CNOT1: variants seen among roughly 807,000 people sequenced by gnomAD.
The protein encoded by CNOT1 is CCR4-NOT transcription complex subunit 1, also known as CCR4-associated factor 1.
CNOT1 carries 15 observed loss-of-function variants against 273.8 expected under a neutral mutation model. That is an observed-to-expected ratio of 0.05 (90% CI 0.04 to 0.08). The LOEUF (loss-of-function observed/expected upper bound fraction) is 0.08. Ranked by LOEUF, CNOT1 falls within the 10% of genes least tolerant of loss-of-function variation. The pLI is 1.00. For missense variants in CNOT1, 1,644 were observed against 2,912.2 expected (o/e 0.56, Z 10.02); for synonymous variants, 1,022 against 1,005.5 (o/e 1.02, Z -0.31).
chr16:58,539,620 G>A (rs1231193153), intron 35 of CNOT1, 148 bp downstream of exon 35: 7 of 720,508 alleles, frequency 9.7e-6, no homozygotes, highest in South Asian at 5.7e-5. Flanking sequence ...TACATTCTAC[G>A]TTGGAAAAAA....
chr16:58,619,579 C>T (rs1257295280), intron 1 of CNOT1, among the ~76,000 whole-genome samples: 2 of 152,134 alleles, frequency 1.3e-5, no homozygotes, highest in Non-Finnish European at 2.9e-5. Context: ...CCGCCCGCCA[C>T]CACACCTGGC....
At chr16:58,539,002 T>A (rs1349905361) in intron 35 of CNOT1, 88 bp from the exon 36 acceptor site, 25 of 1,521,574 alleles carry the variant, frequency 1.6e-5, no homozygotes, top group Non-Finnish European at 2.2e-5. Flanking sequence ...CAATGCCAAG[T>A]ACCAAATACC....
At chr16:58,555,628 G>C in intron 20 of CNOT1, 91 bp from the exon 21 acceptor site, 2 of 1,542,214 alleles carry the variant, frequency 1.3e-6, no homozygotes. Flanking sequence ...CTATTAAGTA[G>C]AACATTTACC....
chr16:58,555,931 C>T lies in CNOT1; in HGVS notation c.2480-23G>A, dbSNP rs1037921269. 4 of 1,608,000 alleles carry T rather than the reference C, an allele frequency of 2.5e-6. No homozygotes were observed. The Admixed American group carries it at 6.7e-5, about 27-fold the overall frequency. On this transcript the variant is annotated intron_variant, in intron 19 of 48. Transcript: ENST00000317147. ...CCGCTGTTGGAAACAAAAAAGGAAT[C>T]AGTGGGCATTTAAGCCCTTCCTCCA... is the stretch of plus-strand genomic sequence containing the variant.
chr16:58,571,883 C>T lies in CNOT1; in HGVS notation c.1979+2726G>A, dbSNP rs117707588. 1.1e-3 allele frequency among the ~76,000 whole-genome samples: 167 copies of T among 152,198 alleles called. No homozygotes were observed. In the East Asian group the frequency reaches 0.021, roughly 19 times the overall value. ...ATCCCAGCTACTGAGGCACAAGAAT[C>T]GCTTAAACCTAGGAGGCGGAGGTTG... On this transcript the variant is annotated intron_variant, in intron 16 of 48. Transcript: ENST00000317147.
chr16:58,587,259 A>C lies in CNOT1; in HGVS notation c.379-4T>G. ...ACAGGGCAAGGCCAAAAATTACCTGAAACAAGAAGGATTAGATTAACCAAA... is the reference window on the plus strand; with the variant it reads ...ACAGGGCAAGGCCAAAAATTACCTGCAACAAGAAGGATTAGATTAACCAAA... On this transcript the variant is annotated splice_polypyrimidine_tract_variant and splice_region_variant and intron_variant, in intron 5 of 48. Transcript: ENST00000317147. 1.9e-6 allele frequency: 3 copies of C among 1,613,830 alleles called. No homozygotes were observed. Among genetic ancestry groups the C allele is most frequent in the Non-Finnish European group, 2.5e-6 (3 of 1,179,912 alleles).
intron 16 of CNOT1, 21 bp from the exon 17 acceptor site, chr16:58,560,383 T>C (rs1213211619): frequency 6.2e-7 from 1 of 1,608,530 alleles, no homozygotes; most frequent in East Asian, 2.2e-5. Context: ...GGGGAAAAGG[T>C]AAAAAATATC....
chr16:58,523,537 C>T, intron 46 of CNOT1, 35 bp from the exon 47 acceptor site: 3 of 1,608,708 alleles, frequency 1.9e-6, no homozygotes, highest in Non-Finnish European at 2.5e-6. Flanking sequence ...AGGACTTAGT[C>T]TGAAAGGCCA....
Position 58,611,916 on chromosome 16 carries a change from T to C in CNOT1, c.-174-12405A>G, listed in dbSNP as rs77322978. Among the ~76,000 whole-genome samples, 1,551 of 152,262 alleles carry C rather than the reference T, an allele frequency of 0.01. 103 individuals carry two copies. In the East Asian group the frequency reaches 0.2, roughly 19 times the overall value. ...AGGAATGCCCCTCACACCTACTTCT[T>C]TTTCTCCCCTTAACTCCTTCCAACT... On this transcript the variant is annotated intron_variant, in intron 1 of 48. Coordinates refer to ENST00000317147, the MANE Select transcript of CNOT1 (RefSeq NM_016284.5).
At chr16:58,548,759 A>T (rs1277731040) in intron 25 of CNOT1, 1 of 395,664 alleles carries the variant, frequency 2.5e-6, no homozygotes, top group African/African-American at 2.1e-5. Context: ...ATTTTGTTGA[A>T]TAAGCCTCAG....
At chr16:58,606,874 A>T (rs1468724938) in intron 1 of CNOT1, among the ~76,000 whole-genome samples, 1 of 152,178 alleles carries the variant, frequency 6.6e-6, no homozygotes, top group Admixed American at 6.5e-5. Flanking sequence ...ATTAATATCC[A>T]ATTAAAATAT....
chr16:58,523,861 A>C, intron 46 of CNOT1: 1 of 188,120 alleles, frequency 5.3e-6, no homozygotes, highest in Non-Finnish European at 1.1e-5. Flanking sequence ...TCTGTGTTCA[A>C]CTTGTTACAG....
intron 10 of CNOT1, among the ~76,000 whole-genome samples, chr16:58,581,755 T>C (rs9924805): frequency 0.75 from 114,570 of 151,956 alleles, 43,595 homozygotes; most frequent in Middle Eastern, 0.86. Flanking sequence ...TCTGCCTCTT[T>C]GGTTCAAGAG....
At chr16:58,609,440 T>C (rs567565945) in intron 1 of CNOT1, among the ~76,000 whole-genome samples, 2 of 151,834 alleles carry the variant, frequency 1.3e-5, no homozygotes, top group South Asian at 2.1e-4. Context: ...ACACCACCTG[T>C]CCCCCAATAA....
chr16:58,616,723 T>C (rs2043098199), intron 1 of CNOT1, among the ~76,000 whole-genome samples: 1 of 152,208 alleles, frequency 6.6e-6, no homozygotes, highest in Non-Finnish European at 1.5e-5. Flanking sequence ...TACTAGATTA[T>C]TTGGCAGCAT....
In CNOT1 at chr16:58,548,349, A is replaced by ATACC. The variant is rs144455398; in HGVS notation, c.3523-671_3523-668dup. ...TGGCTGCAGGTATGCACACATGTAT[A>ATACC]TACCCATCTACTCTGTGGTACCTCT... On this transcript the variant is annotated intron_variant, in intron 25 of 48. Coordinates refer to ENST00000317147, the MANE Select transcript of CNOT1 (RefSeq NM_016284.5). The ATACC allele has an allele frequency of 6.8e-3, 2,668 of 390,600 alleles. 53 individuals carry two copies. Among genetic ancestry groups the ATACC allele is most frequent in the African/African-American group, 0.052 (2,488 of 47,644 alleles). 24.2% of individuals were successfully genotyped at this position (390,600 alleles called of 1,614,324 possible). A position where few individuals can be genotyped will look rare whatever the true frequency, so the allele number is the denominator to read the frequency against.
chr16:58,521,848 C>T (rs962817630), intron 47 of CNOT1, among the ~76,000 whole-genome samples: 2 of 151,586 alleles, frequency 1.3e-5, no homozygotes, highest in African/African-American at 2.4e-5. Flanking sequence ...AGCAGTCGGA[C>T]GCTGAGGCAG....
At chr16:58,616,987 T>C (rs942955264) in intron 1 of CNOT1, among the ~76,000 whole-genome samples, 14 of 152,230 alleles carry the variant, frequency 9.2e-5, no homozygotes, top group Middle Eastern at 6.8e-3. Context: ...TGAAGAGCAG[T>C]AGTATCTCCA....
At chr16:58,585,898 T>C (rs1035973197) in intron 7 of CNOT1, among the ~76,000 whole-genome samples, 18 of 152,110 alleles carry the variant, frequency 1.2e-4, no homozygotes, top group Admixed American at 2.0e-4. Context: ...AGTGAGAATG[T>C]TAATGTACAT....
Sources: allele counts gnomAD v4.1 joint callset (sites outside exome capture counted in the v4.1 genomes callset), GRCh38; gene constraint gnomAD v4.1.1; transcripts MANE v1.5; gene names NCBI Gene and HGNC (gene_info 2026-07-23, HGNC 2026-07-21).